Variants in RABGAP1L observed in about 807,000 individuals in gnomAD.
The protein encoded by RABGAP1L is rab GTPase-activating protein 1-like.
A neutral mutation model predicts 137.7 loss-of-function variants in RABGAP1L; 63 were observed. The ratio of observed to expected loss-of-function variants is 0.46; its 90% CI spans 0.37 to 0.56. The LOEUF (loss-of-function observed/expected upper bound fraction) is 0.56, where lower values mean the gene tolerates loss of function less well. Among genes scored for constraint, RABGAP1L ranks in the 20% least tolerant of loss-of-function variants. The pLI is 0.00. For synonymous variants in RABGAP1L, 431 were observed against 433.7 expected, an observed-to-expected ratio of 0.99 and a Z score of 0.08; for missense variants, 1,095 against 1,244.0, an observed-to-expected ratio of 0.88 and a Z score of 1.80.
chr1:174,539,796 G>A (rs1350333690), intron 13 of RABGAP1L, among the ~76,000 whole-genome samples: 1 of 152,222 alleles, frequency 6.6e-6, no homozygotes. Flanking sequence ...ATAATCCTTC[G>A]GGTTTATACC....
intron 13 of RABGAP1L, among the ~76,000 whole-genome samples, chr1:174,597,148 T>A (rs1346242010): frequency 6.6e-6 from 1 of 152,192 alleles, no homozygotes; most frequent in Non-Finnish European, 1.5e-5. Flanking sequence ...TTTGTATCAA[T>A]GTTCGTCAGA....
intron 1 of RABGAP1L, among the ~76,000 whole-genome samples, chr1:174,177,013 T>A (rs1320482952): frequency 6.6e-6 from 1 of 152,084 alleles, no homozygotes; most frequent in East Asian, 1.9e-4. Context: ...GAGGTCAAGG[T>A]TGCAGTGAAC....
At chr1:174,960,408 T>C (rs1668986126) in intron 20 of RABGAP1L, among the ~76,000 whole-genome samples, 1 of 152,160 alleles carries the variant, frequency 6.6e-6, no homozygotes, top group Non-Finnish European at 1.5e-5. Flanking sequence ...TATGCAGATA[T>C]CTTCATGGTT....
In RABGAP1L at chr1:174,958,186, C is replaced by T. The variant is rs558910566; in HGVS notation, c.2433+637C>T. ...AAAAATCACAAAGGTATATTGAGCA[C>T]AGTAGTGGTGTTTGTTGCAACATTT... On this transcript the variant is annotated intron_variant, in intron 20 of 25. Transcript: ENST00000681986. The T allele has an allele frequency of 1.1e-5, 16 of 1,400,468 alleles. No individual in the cohort carries two copies. The East Asian group carries it at 1.7e-4, about 15-fold the overall frequency. 86.8% of individuals were successfully genotyped at this position (1,400,468 alleles called of 1,614,324 possible).
At chr1:174,788,673 A>G (rs914469161) in intron 18 of RABGAP1L, among the ~76,000 whole-genome samples, 4 of 152,062 alleles carry the variant, frequency 2.6e-5, no homozygotes, top group South Asian at 2.1e-4. Flanking sequence ...TTCCATTTTC[A>G]TCATAATTTG....
At chr1:174,386,138 C>T (rs543586574) in intron 12 of RABGAP1L, among the ~76,000 whole-genome samples, 36 of 152,186 alleles carry the variant, frequency 2.4e-4, no homozygotes, top group Non-Finnish European at 4.1e-4. Context: ...CTCATTGTAA[C>T]GGAAGGAAAG....
At chr1:174,328,010 T>TACAC (rs1326382769) in intron 11 of RABGAP1L, among the ~76,000 whole-genome samples, 1 of 127,326 alleles carries the variant, frequency 7.9e-6, no homozygotes, top group Admixed American at 7.5e-5. Context: ...TATATATATA[T>TACAC]ATATATATAT....
At chr1:174,392,665 G>A (rs1385414247) in intron 12 of RABGAP1L, among the ~76,000 whole-genome samples, 1 of 152,236 alleles carries the variant, frequency 6.6e-6, no homozygotes, top group Non-Finnish European at 1.5e-5. Flanking sequence ...AAATATGACA[G>A]TATGGGGAAA....
At chr1:174,537,640 T>TAG (rs1023234124) in intron 13 of RABGAP1L, among the ~76,000 whole-genome samples, 1 of 152,212 alleles carries the variant, frequency 6.6e-6, no homozygotes, top group Non-Finnish European at 1.5e-5. Context: ...GCACCTGTAC[T>TAG]ACTATGGAGA....
At chr1:174,270,663 A>G (rs1374984901) in intron 7 of RABGAP1L, among the ~76,000 whole-genome samples, 1 of 152,188 alleles carries the variant, frequency 6.6e-6, no homozygotes, top group African/African-American at 2.4e-5. Context: ...TTTCAAAAAG[A>G]ACAAAAAGAA....
chr1:174,633,096 C>T (rs1297751603), intron 13 of RABGAP1L, among the ~76,000 whole-genome samples: 1 of 151,756 alleles, frequency 6.6e-6, no homozygotes, highest in Non-Finnish European at 1.5e-5. Context: ...TCAAATTGTC[C>T]CTGTTTGCAG....
intron 14 of RABGAP1L, among the ~76,000 whole-genome samples, chr1:174,682,760 A>G (rs1678176168): frequency 6.6e-6 from 1 of 152,236 alleles, no homozygotes; most frequent in Non-Finnish European, 1.5e-5. Context: ...AAGTTGAATG[A>G]TATGATAGCT....
chr1:174,479,290 C>G (rs978963442), intron 13 of RABGAP1L, among the ~76,000 whole-genome samples: 3 of 152,074 alleles, frequency 2.0e-5, no homozygotes, highest in African/African-American at 7.2e-5. Context: ...ATGCATTTGC[C>G]CAGTGTTACA....
At chr1:174,250,070 A>G in intron 5 of RABGAP1L, among the ~76,000 whole-genome samples, 1 of 152,090 alleles carries the variant, frequency 6.6e-6, no homozygotes, top group South Asian at 2.1e-4. Context: ...TATATTTGAA[A>G]ACCCTCCTCA....
At chr1:174,170,278 C>T (rs1282067804) in intron 1 of RABGAP1L, among the ~76,000 whole-genome samples, 1 of 152,084 alleles carries the variant, frequency 6.6e-6, no homozygotes, top group African/African-American at 2.4e-5. Flanking sequence ...AGAAAATGTA[C>T]ATTATCTCGC....
At chr1:174,744,090 TAAAAAAAAAAAAA>T (rs10694829) in intron 17 of RABGAP1L, among the ~76,000 whole-genome samples, 3 of 45,134 alleles carry the variant, frequency 6.6e-5, no homozygotes, top group East Asian at 7.3e-4. Context: ...GTGAAATACG[TAAAAAAAAAAAAA>T]AAAAAAAAAA....
chr1:174,847,651 GC>G (rs1345300613), intron 19 of RABGAP1L, among the ~76,000 whole-genome samples: 4 of 133,370 alleles, frequency 3.0e-5, no homozygotes, highest in African/African-American at 1.1e-4. Flanking sequence ...CTCTCTGGCT[GC>G]CCTTAACATT....
chr1:174,960,373 G>T (rs1668982591), intron 20 of RABGAP1L, among the ~76,000 whole-genome samples: 1 of 152,138 alleles, frequency 6.6e-6, no homozygotes, highest in Admixed American at 6.5e-5. Flanking sequence ...ATGTAAACAT[G>T]TGTTTTATGT....
At chr1:174,336,472 G>T (rs1681473171) in intron 11 of RABGAP1L, among the ~76,000 whole-genome samples, 2 of 152,172 alleles carry the variant, frequency 1.3e-5, no homozygotes, top group African/African-American at 2.4e-5. Context: ...ATATAGAAAA[G>T]AAATGAACTT....
Sources: allele counts gnomAD v4.1 joint callset (sites outside exome capture counted in the v4.1 genomes callset), GRCh38; gene constraint gnomAD v4.1.1; transcripts MANE v1.5; gene names NCBI Gene and HGNC (gene_info 2026-07-23, HGNC 2026-07-21).